ATXN10: variants seen among roughly 807,000 people sequenced by gnomAD.
ATXN10 encodes the protein ataxin 10, also known as ataxin-10.
In ATXN10, 28 loss-of-function variants were observed where a neutral mutation model predicts 52.9. That is an observed-to-expected ratio of 0.53 (90% CI 0.39 to 0.73). The LOEUF (loss-of-function observed/expected upper bound fraction) is 0.73. Among genes scored for constraint, ATXN10 ranks in the 30% least tolerant of loss-of-function variants. The pLI, the probability that ATXN10 is intolerant of heterozygous loss-of-function variation, is 0.00. For synonymous variants in ATXN10, 226 were observed against 221.5 expected, an observed-to-expected ratio of 1.02 and a Z score of -0.18; for missense variants, 565 against 577.0, an observed-to-expected ratio of 0.98 and a Z score of 0.21.
intron 10 of ATXN10, among the ~76,000 whole-genome samples, chr22:45,830,682 T>C (rs573364964): frequency 7.9e-4 from 116 of 146,510 alleles, no homozygotes; most frequent in South Asian, 1.9e-3. Flanking sequence ...GGATAGCCAC[T>C]ATACAAAACA....
rs1718724783 is a variant in ATXN10 at position 45,775,395 on chromosome 22, A to G, written c.1174-31564A>G. Among the ~76,000 whole-genome samples, 1 of 152,202 alleles carries G rather than the reference A, an allele frequency of 6.6e-6. No homozygotes were observed. Among genetic ancestry groups the G allele is most frequent in the Non-Finnish European group, 1.5e-5 (1 of 68,036 alleles). On this transcript the variant is annotated intron_variant, in intron 9 of 11. Coordinates refer to ENST00000252934, the MANE Select transcript of ATXN10 (RefSeq NM_013236.4). The surrounding 1 kb of genome is among the most constrained non-coding windows in gnomAD (Gnocchi z 4.7). ...AATTGAGACAAGTTGGAAAACACAA[A>G]CATTGTGAGGGTTTGTAGAACGGGT...
intron 9 of ATXN10, among the ~76,000 whole-genome samples, chr22:45,752,020 A>G (rs537544081): frequency 9.7e-4 from 148 of 152,154 alleles, no homozygotes; most frequent in Non-Finnish European, 1.7e-3. Context: ...CATGCCCATC[A>G]TATTCTAATA....
At position 45,835,695 on chromosome 22, in the gene ATXN10, G is replaced by A. The variant is rs187181868; in HGVS notation, c.1238-7296G>A. 5.5e-4 allele frequency among the ~76,000 whole-genome samples: 83 copies of A among 152,264 alleles called. No individual in the cohort carries two copies. Among genetic ancestry groups the A allele is most frequent in the African/African-American group, 1.9e-3 (78 of 41,566 alleles). ...TAGCAGCCTCAGCTTTCAGTGCAGG[G>A]GTGTTGCTGAGATGGCTTTTTCCCT... On this transcript the variant is annotated intron_variant, in intron 10 of 11. Transcript: ENST00000252934. The surrounding 1 kb of genome is among the most constrained non-coding windows in gnomAD (Gnocchi z 5.0).
Position 45,759,396 on chromosome 22 carries a change from C to T in ATXN10, c.1173+18858C>T, listed in dbSNP as rs1926296554. On this transcript the variant is annotated intron_variant, in intron 9 of 11. Transcript: ENST00000252934. The surrounding 1 kb of genome is among the most constrained non-coding windows in gnomAD (Gnocchi z 5.4). ...GCGTGGTGGCGCATGCCTGTAATCC[C>T]AGCTACTCGGGAGGCTGAGGCGGGA... 6.6e-6 allele frequency among the ~76,000 whole-genome samples: 1 copy of T among 152,170 alleles called. No individual in the cohort carries two copies. Among genetic ancestry groups the T allele is most frequent in the Non-Finnish European group, 1.5e-5 (1 of 68,038 alleles).
chr22:45,699,489 C>CTTTTTTTTTT (rs1923751463), intron 3 of ATXN10, among the ~76,000 whole-genome samples: 1 of 133,524 alleles, frequency 7.5e-6, no homozygotes. Context: ...CTTTTTCTTT[C>CTTTTTTTTTT]CTTTTTTTTT....
At position 45,825,925 on chromosome 22, in the gene ATXN10, G is replaced by A. The variant is rs767859185; in HGVS notation, c.1238-17066G>A. ...CTCTACAAAAATTAGCCCCAGGCGT[G>A]GTGGTGTGCACCTGTAGTCCCAGCT... On this transcript the variant is annotated intron_variant, in intron 10 of 11. Transcript: ENST00000252934. This position sits in a 1 kb window ranked among gnomAD's most constrained non-coding sequence, Gnocchi z 4.5. 2.0e-5 allele frequency among the ~76,000 whole-genome samples: 3 copies of A among 152,074 alleles called. No individual in the cohort carries two copies. The highest frequency in any genetic ancestry group is 1.3e-4 in the Admixed American group (2 of 15,272).
intron 10 of ATXN10, among the ~76,000 whole-genome samples, chr22:45,808,853 C>T (rs1928188597): frequency 6.6e-6 from 1 of 152,170 alleles, no homozygotes; most frequent in Non-Finnish European, 1.5e-5. Context: ...ATAGCTATAT[C>T]TTTAGCTGGA....
intron 9 of ATXN10, among the ~76,000 whole-genome samples, chr22:45,765,094 T>C (rs977698755): frequency 6.6e-6 from 1 of 152,192 alleles, no homozygotes; most frequent in Non-Finnish European, 1.5e-5. Flanking sequence ...AGAAACATAC[T>C]GGTTGGAAAG....
At position 45,823,261 on chromosome 22, in the gene ATXN10, C is replaced by T. The variant is rs1287928638; in HGVS notation, c.1237+16239C>T. On this transcript the variant is annotated intron_variant, in intron 10 of 11. Transcript: ENST00000252934. This position sits in a 1 kb window ranked among gnomAD's most constrained non-coding sequence, Gnocchi z 4.9. Reference sequence around the variant, plus strand: ...ATGATGTTTTAATGAATAAAAATTCCCAATTTTAATGTAAAATTTATCAGT... The same window carrying T: ...ATGATGTTTTAATGAATAAAAATTCTCAATTTTAATGTAAAATTTATCAGT... The T allele has an allele frequency of 2.2e-6, 1 of 462,956 alleles. No homozygotes were observed. Among genetic ancestry groups the T allele is most frequent in the Non-Finnish European group, 4.5e-6 (1 of 224,396 alleles). 28.7% of individuals were successfully genotyped at this position (462,956 alleles called of 1,614,324 possible).
In ATXN10 at chr22:45,775,789, AG is replaced by A. The variant is rs1926932251; in HGVS notation, c.1174-31169del. On this transcript the variant is annotated intron_variant, in intron 9 of 11. Transcript: ENST00000252934. This position sits in a 1 kb window ranked among gnomAD's most constrained non-coding sequence, Gnocchi z 4.7. ...CATGACCTGGGTCTCCGATTTATTTAGCACGGTAGCACCAATAATAAATATT... is the reference window on the plus strand; with the variant it reads ...CATGACCTGGGTCTCCGATTTATTTACACGGTAGCACCAATAATAAATATT... Among the ~76,000 whole-genome samples the A allele has an allele frequency of 6.6e-6, 1 of 152,206 alleles. No individual in the cohort carries two copies. Among genetic ancestry groups the A allele is most frequent in the Non-Finnish European group, 1.5e-5 (1 of 68,038 alleles).
chr22:45,710,693 C>A (rs1259287119), intron 5 of ATXN10, among the ~76,000 whole-genome samples: 1 of 152,148 alleles, frequency 6.6e-6, no homozygotes, highest in Non-Finnish European at 1.5e-5. Flanking sequence ...TGGAACACAG[C>A]CAAGCTTGTT....
intron 7 of ATXN10, 129 bp from the exon 8 acceptor site, chr22:45,738,602 C>G: frequency 1.7e-5 from 13 of 763,976 alleles, no homozygotes; most frequent in East Asian, 2.9e-5. Flanking sequence ...TTTTGTTTTT[C>G]TCTTTGACTT....
At chr22:45,745,788 T>C (rs943015743) in intron 9 of ATXN10, among the ~76,000 whole-genome samples, 1 of 152,226 alleles carries the variant, frequency 6.6e-6, no homozygotes, top group African/African-American at 2.4e-5. Flanking sequence ...GTAAAATAAA[T>C]TGAATGTTGA....
In ATXN10 at chr22:45,843,751, T is replaced by C; in HGVS notation, c.*80T>C. On this transcript the variant is annotated 3_prime_UTR_variant, in exon 12 of 12. Coordinates refer to ENST00000252934, the MANE Select transcript of ATXN10 (RefSeq NM_013236.4). The surrounding 1 kb of genome is among the most constrained non-coding windows in gnomAD (Gnocchi z 4.5). The stretch of plus-strand genomic sequence containing the variant: ...CTTCTACCGTATGTGAAATTGCAAG[T>C]GTTTGAAGATTTATAAGTACAAATT... 1 of 1,384,886 alleles carries C rather than the reference T, an allele frequency of 7.2e-7. No homozygotes were observed. 85.8% of individuals were successfully genotyped at this position (1,384,886 alleles called of 1,614,324 possible). A position where few individuals can be genotyped will look rare whatever the true frequency, so the allele number is the denominator to read the frequency against.
Position 45,678,773 on chromosome 22 carries a change from C to T in ATXN10, c.116+6594C>T, listed in dbSNP as rs1445759943. On this transcript the variant is annotated intron_variant, in intron 1 of 11. Coordinates refer to ENST00000252934, the MANE Select transcript of ATXN10 (RefSeq NM_013236.4). The surrounding 1 kb of genome is among the most constrained non-coding windows in gnomAD (Gnocchi z 4.1). The stretch of plus-strand genomic sequence containing the variant: ...TTACCATGTAATTCATTCATTGACT[C>T]ACACCACACATGATACATGTAAGAT... 2.6e-5 allele frequency: 4 copies of T among 152,182 alleles called. No homozygotes were observed. The highest frequency in any genetic ancestry group is 4.4e-5 in the Non-Finnish European group (3 of 68,028). The allele number at this position is 152,182 out of a possible 1,614,324, so 9.4% of individuals were successfully genotyped here.
chr22:45,780,714 A>G lies in ATXN10; in HGVS notation c.1174-26245A>G, dbSNP rs552903925. On this transcript the variant is annotated intron_variant, in intron 9 of 11. Transcript: ENST00000252934. This position sits in a 1 kb window ranked among gnomAD's most constrained non-coding sequence, Gnocchi z 4.0. ...CTAATCTTCTGAAATTTAAACCTGG[A>G]TCAGTGACTTGTGTCTTCATTTGCT... 6.6e-6 allele frequency among the ~76,000 whole-genome samples: 1 copy of G among 152,224 alleles called. No homozygotes were observed. Among genetic ancestry groups the G allele is most frequent in the Non-Finnish European group, 1.5e-5 (1 of 68,042 alleles).
intron 9 of ATXN10, among the ~76,000 whole-genome samples, chr22:45,751,401 T>C (rs1187452971): frequency 6.7e-6 from 1 of 150,002 alleles, no homozygotes; most frequent in Non-Finnish European, 1.5e-5. Context: ...ATAGCTGGGC[T>C]GGTGGTGATA....
In ATXN10 at chr22:45,701,287, C is replaced by T. The variant is rs554318189; in HGVS notation, c.488+909C>T. Among the ~76,000 whole-genome samples the T allele has an allele frequency of 2.6e-5, 4 of 152,308 alleles. No homozygotes were observed. The East Asian group carries it at 5.8e-4, about 22-fold the overall frequency. The stretch of plus-strand genomic sequence containing the variant: ...GACAGATGAGAGACCTGAAGCTCAT[C>T]ACTGGTAAATGGCAGAGGTAGAGTG... On this transcript the variant is annotated intron_variant, in intron 4 of 11. Transcript: ENST00000252934. The surrounding 1 kb of genome is among the most constrained non-coding windows in gnomAD (Gnocchi z 4.2).
intron 6 of ATXN10, among the ~76,000 whole-genome samples, chr22:45,724,722 C>G (rs1924800117): frequency 1.3e-5 from 2 of 152,184 alleles, no homozygotes; most frequent in Non-Finnish European, 2.9e-5. Context: ...GGATCTTAGT[C>G]ATAAATGCTT....
Sources: gnomAD v4.1 joint callset for allele counts (sites outside exome capture counted in the v4.1 genomes callset) on GRCh38, gnomAD v4.1.1 for gene constraint, Gnocchi (gnomAD v3.1) non-coding constraint, MANE v1.5 for transcripts, NCBI Gene and HGNC (gene_info 2026-07-23, HGNC 2026-07-21) for gene names.